The following PIK3AP1 variants were observed in gnomAD, a reference collection of about 807,000 sequenced individuals.
The protein encoded by PIK3AP1 is phosphoinositide 3-kinase adapter protein 1.
PIK3AP1 carries 21 observed loss-of-function variants against 88.1 expected under a neutral mutation model. The ratio of observed to expected loss-of-function variants is 0.24; its 90% confidence interval spans 0.17 to 0.34. PIK3AP1 has a LOEUF of 0.34. Among genes scored for constraint, PIK3AP1 ranks in the 10% least tolerant of loss-of-function variants. PIK3AP1 has a pLI of 1.00. For synonymous variants in PIK3AP1, 398 were observed against 400.0 expected (o/e 1.00, Z 0.06); for missense variants, 828 against 1,035.7 (o/e 0.80, Z 2.75).
chr10:96,625,534 T>C (rs1415524611), intron 10 of PIK3AP1, among the ~76,000 whole-genome samples: 1 of 152,242 alleles, frequency 6.6e-6, no homozygotes, highest in Non-Finnish European at 1.5e-5. Context: ...ATGTGTGTAC[T>C]ATTTGGGACA....
chr10:96,664,391 T>C (rs1326384595), intron 2 of PIK3AP1, among the ~76,000 whole-genome samples: 1 of 152,188 alleles, frequency 6.6e-6, no homozygotes, highest in Non-Finnish European at 1.5e-5. Context: ...CCCTCCCTCC[T>C]TCCTTCTACC....
chr10:96,616,416 C>T (rs539120830), intron 13 of PIK3AP1, among the ~76,000 whole-genome samples: 1 of 152,294 alleles, frequency 6.6e-6, no homozygotes, highest in African/African-American at 2.4e-5. Flanking sequence ...TATTCACTTC[C>T]GGGCATGTCT....
intron 2 of PIK3AP1, among the ~76,000 whole-genome samples, chr10:96,676,470 C>T (rs1054039652): frequency 1.3e-5 from 2 of 151,982 alleles, no homozygotes; most frequent in Non-Finnish European, 2.9e-5. Flanking sequence ...TGAGCCAGCT[C>T]GGGCCTCTCC....
chr10:96,715,852 T>C (rs1844495235), intron 1 of PIK3AP1, among the ~76,000 whole-genome samples: 1 of 149,152 alleles, frequency 6.7e-6, no homozygotes, highest in Non-Finnish European at 1.5e-5. Flanking sequence ...ATCATGCCAC[T>C]GCACTCCAGC....
chr10:96,652,940 T>A, intron 3 of PIK3AP1, 98 bp from the exon 4 acceptor site: 1 of 1,371,192 alleles, frequency 7.3e-7, no homozygotes, highest in Middle Eastern at 2.6e-4. Flanking sequence ...TAGCTCTACC[T>A]AGTGAGAATC....
At chr10:96,702,621 C>CAT (rs2134284685) in intron 2 of PIK3AP1, among the ~76,000 whole-genome samples, 1 of 151,178 alleles carries the variant, frequency 6.6e-6, no homozygotes, top group East Asian at 1.9e-4. Flanking sequence ...TCACCACACA[C>CAT]ACACACACAC....
rs955148882 is a variant in PIK3AP1, at chr10:96,720,405, G to A, written c.-11C>T. 1 of 1,237,640 alleles carries A rather than the reference G, an allele frequency of 8.1e-7. No homozygotes were observed. The highest frequency in any genetic ancestry group is 3.2e-5 in the East Asian group (1 of 31,606). The allele number at this position is 1,237,640 out of a possible 1,614,324, so 76.7% of individuals were successfully genotyped here. ...ACCTGAGGCTGCCATGCCGCGGGGC[G>A]CCGCTCACATCCCTGGCTCGCTGCG... On this transcript the variant is annotated 5_prime_UTR_variant, in exon 1 of 17. Transcript: ENST00000339364. This position sits in a 1 kb window ranked among gnomAD's most constrained non-coding sequence, Gnocchi z 4.6.
chr10:96,715,231 A>G (rs983253742), intron 1 of PIK3AP1, among the ~76,000 whole-genome samples: 3 of 152,174 alleles, frequency 2.0e-5, no homozygotes, highest in Admixed American at 2.0e-4. Flanking sequence ...ACTGAGGGCT[A>G]TTCTACAAAA....
intron 2 of PIK3AP1, among the ~76,000 whole-genome samples, chr10:96,663,719 T>G (rs1843725868): frequency 1.3e-5 from 2 of 151,406 alleles, no homozygotes; most frequent in African/African-American, 4.9e-5. Flanking sequence ...GGGCTAATCT[T>G]CTTAATATAC....
Position 96,620,540 on chromosome 10 carries a change from A to G in PIK3AP1, c.1753T>C (p.Trp585Arg). ...SIRKGPPVRP[W>R]RDRPQSSIYD... Reference sequence around the variant, plus strand: ...ATACTCGACTGGGGCCTGTCCCTCCATGGTCTGACGGGCGGCCCTGGAAAG... The same window carrying G: ...ATACTCGACTGGGGCCTGTCCCTCCGTGGTCTGACGGGCGGCCCTGGAAAG... Residue 585 changes from tryptophan (W) to arginine (R), a missense_variant, in exon 12 of 17, where the codon TGG (tryptophan) becomes CGG (arginine). Trp to Arg is a moderately radical substitution (Grantham distance 101). Around this residue, in one of 3 missense-constraint regions of PIK3AP1, gnomAD observed 610 missense variants for 760.1 expected, o/e 0.80. Coordinates refer to ENST00000339364, the MANE Select transcript of PIK3AP1 (RefSeq NM_152309.3). The G allele has an allele frequency of 6.2e-7, 1 of 1,612,884 alleles. No individual in the cohort carries two copies. The highest frequency in any genetic ancestry group is 2.2e-5 in the East Asian group (1 of 44,872).
chr10:96,603,475 C>T (rs1419932503), intron 15 of PIK3AP1, among the ~76,000 whole-genome samples: 1 of 152,116 alleles, frequency 6.6e-6, no homozygotes, highest in African/African-American at 2.4e-5. Flanking sequence ...CAATATAAAG[C>T]AGGAAGAAAA....
chr10:96,629,928 AAAAAGAAGAAGAAG>A (rs1340229172), intron 8 of PIK3AP1, among the ~76,000 whole-genome samples: 2 of 80,076 alleles, frequency 2.5e-5, no homozygotes, highest in African/African-American at 9.4e-5. Context: ...AAAAAAAAAA[AAAAAGAAGAAGAAG>A]AAGAAGAAGA....
intron 2 of PIK3AP1, among the ~76,000 whole-genome samples, chr10:96,676,735 T>C (rs2134259173): frequency 6.6e-6 from 1 of 152,172 alleles, no homozygotes; most frequent in African/African-American, 2.4e-5. Flanking sequence ...AACATTGATT[T>C]TGTTTAATAA....
At chr10:96,699,101 T>C (rs561953968) in intron 2 of PIK3AP1, among the ~76,000 whole-genome samples, 2 of 152,200 alleles carry the variant, frequency 1.3e-5, no homozygotes, top group African/African-American at 2.4e-5. Context: ...GGAGAATCGC[T>C]TGAACCCAGG....
At chr10:96,602,438 T>C in intron 15 of PIK3AP1, 40 bp from the exon 16 acceptor site, 1 of 1,526,190 alleles carries the variant, frequency 6.6e-7, no homozygotes, top group South Asian at 1.1e-5. Flanking sequence ...GAAAACTACA[T>C]TCAGCAACCA....
chr10:96,593,850 T>C lies in PIK3AP1; in HGVS notation c.*1727A>G, dbSNP rs1848712727. Reference sequence around the variant, plus strand: ...GAAGCTGTTTCTGACAAGAAGTCCTTGTTTCAGTACTCTTCAGTATGAGTC... The same window carrying C: ...GAAGCTGTTTCTGACAAGAAGTCCTCGTTTCAGTACTCTTCAGTATGAGTC... On this transcript the variant is annotated 3_prime_UTR_variant, in exon 17 of 17. Transcript: ENST00000339364. 6.6e-6 allele frequency: 1 copy of C among 152,204 alleles called. No homozygotes were observed. The highest frequency in any genetic ancestry group is 2.1e-4 in the South Asian group (1 of 4,828). 9.4% of individuals were successfully genotyped at this position (152,204 alleles called of 1,614,324 possible). A position where few individuals can be genotyped will look rare whatever the true frequency, so the allele number is the denominator to read the frequency against.
chr10:96,710,748 A>G (rs1194849563), intron 1 of PIK3AP1, among the ~76,000 whole-genome samples: 1 of 152,212 alleles, frequency 6.6e-6, no homozygotes, highest in Admixed American at 6.5e-5. Context: ...GGTAGGTACT[A>G]TTATTAGCCC....
intron 2 of PIK3AP1, among the ~76,000 whole-genome samples, chr10:96,660,059 A>C (rs1303689233): frequency 1.3e-5 from 2 of 152,148 alleles, no homozygotes; most frequent in Non-Finnish European, 2.9e-5. Flanking sequence ...ATTGAATACA[A>C]GAGATGGTCC....
At position 96,602,408 on chromosome 10, in the gene PIK3AP1, A is replaced by G; in HGVS notation, c.2242-10T>C. The G allele has an allele frequency of 1.2e-6, 2 of 1,603,662 alleles. No individual in the cohort carries two copies. Among genetic ancestry groups the G allele is most frequent in the Non-Finnish European group, 1.7e-6 (2 of 1,171,218 alleles). On this transcript the variant is annotated splice_polypyrimidine_tract_variant and intron_variant, in intron 15 of 16. Coordinates refer to ENST00000339364, the MANE Select transcript of PIK3AP1 (RefSeq NM_152309.3). ...CAGGGACTTCATTATCCTACAGCAA[A>G]GAAGATGAGAAAGAAAGGCGAAAAC...
Sources: allele counts gnomAD v4.1 joint callset (sites outside exome capture counted in the v4.1 genomes callset), GRCh38; gene constraint gnomAD v4.1.1; regional missense constraint gnomAD v4.1.1; non-coding constraint Gnocchi (gnomAD v3.1); transcripts MANE v1.5; gene names NCBI Gene and HGNC (gene_info 2026-07-23, HGNC 2026-07-21).